The following GTPBP1 variants were observed in gnomAD, a reference collection of about 807,000 sequenced individuals.
GTPBP1 encodes GTP binding protein 1.
A neutral mutation model predicts 62.0 loss-of-function variants in GTPBP1; 23 were observed. The observed-to-expected ratio is 0.37, with a 90% CI of 0.27 to 0.53. The LOEUF (loss-of-function observed/expected upper bound fraction) is 0.53. Among genes scored for constraint, GTPBP1 ranks in the 20% least tolerant of loss-of-function variants. The pLI is 0.89. For missense variants in GTPBP1, 640 were observed against 917.3 expected, an observed-to-expected ratio of 0.70 and a Z score of 3.90; for synonymous variants, 344 against 364.4, an observed-to-expected ratio of 0.94 and a Z score of 0.64.
At chr22:38,715,863 G>A (rs933439559) in intron 2 of GTPBP1, 44 bp from the exon 3 acceptor site, 2 of 1,542,112 alleles carry the variant, frequency 1.3e-6, no homozygotes, top group Non-Finnish European at 1.8e-6. Flanking sequence ...AGGCTGGTTG[G>A]TCAGGACTCC....
Position 38,727,331 on chromosome 22 carries a change from C to T in GTPBP1, c.1520C>T (p.Pro507Leu), listed in dbSNP as rs372637758. ...CTCCACCACCCCACCACAATTAGCCCGCGCTACCAGGCCATGGGTAGGTGT... is the reference window on the plus strand; with the variant it reads ...CTCCACCACCCCACCACAATTAGCCTGCGCTACCAGGCCATGGGTAGGTGT... ...LVLHHPTTIS[P>L]RYQAMVHCGS... Residue 507 changes from proline (P) to leucine (L), a missense_variant, in exon 9 of 12, where the codon CCG becomes CTG. Pro to Leu is a moderately conservative substitution (Grantham distance 98). Coordinates refer to ENST00000216044, the MANE Select transcript of GTPBP1 (RefSeq NM_004286.5). The surrounding 1 kb of genome is among the most constrained non-coding windows in gnomAD (Gnocchi z 6.5). The T allele has an allele frequency of 2.8e-5, 45 of 1,583,494 alleles. No homozygotes were observed. Among genetic ancestry groups the T allele is most frequent in the Non-Finnish European group, 3.4e-5 (39 of 1,164,160 alleles).
At position 38,716,022 on chromosome 22, in the gene GTPBP1, T is replaced by C. The variant is rs2092668188; in HGVS notation, c.420T>C (p.Ala140=). 1 of 1,613,922 alleles carries C rather than the reference T, an allele frequency of 6.2e-7. No homozygotes were observed. Among genetic ancestry groups the C allele is most frequent in the Non-Finnish European group, 8.5e-7 (1 of 1,179,884 alleles). The change falls in exon 3 of 12, where the codon GCT becomes GCC. Residue 140 remains alanine (A), a synonymous_variant. Coordinates refer to ENST00000216044, the MANE Select transcript of GTPBP1 (RefSeq NM_004286.5). This position sits in a 1 kb window ranked among gnomAD's most constrained non-coding sequence, Gnocchi z 5.2. ...TCCTTCTGCGGGAACGGCAAGAAGC[T>C]GGGGGCCGCGTGCGTGATTACCTGG... is the stretch of plus-strand genomic sequence containing the variant. The part of the protein sequence containing the change: ...DVILLRERQE[A]GGRVRDYLVR...
Position 38,715,807 on chromosome 22 carries a change from G to T in GTPBP1, c.305-100G>T, listed in dbSNP as rs183069981. 3,773 of 901,362 alleles carry T rather than the reference G, an allele frequency of 4.2e-3. 16 individuals are homozygous for T. The highest frequency in any genetic ancestry group is 5.5e-3 in the Non-Finnish European group (3,141 of 575,164). The allele number at this position is 901,362 out of a possible 1,614,324, so 55.8% of individuals were successfully genotyped here. Reference sequence around the variant, plus strand: ...TGTTCCTCTGCAGTGCTGGGGTCGGGGGGTGGTGGCCTTTGTTAGGTGGGG... The same window carrying T: ...TGTTCCTCTGCAGTGCTGGGGTCGGTGGGTGGTGGCCTTTGTTAGGTGGGG... On this transcript the variant is annotated intron_variant, in intron 2 of 11. Coordinates refer to ENST00000216044, the MANE Select transcript of GTPBP1 (RefSeq NM_004286.5).
At chr22:38,714,146 T>C (rs945021099) in intron 2 of GTPBP1, among the ~76,000 whole-genome samples, 5 of 152,118 alleles carry the variant, frequency 3.3e-5, no homozygotes, top group African/African-American at 1.2e-4. Context: ...TATCGAATGC[T>C]GTAGGAGTCA....
At chr22:38,723,521 C>T (rs367942180) in intron 5 of GTPBP1, 90 of 656,906 alleles carry the variant, frequency 1.4e-4, no homozygotes, top group South Asian at 9.9e-4. Context: ...TGCACGCGGG[C>T]GAAACTTCCT....
downstream of GTPBP1, chr22:38,741,709 C>T (rs139344986): frequency 3.7e-5 from 27 of 725,748 alleles, no homozygotes; most frequent in South Asian, 1.7e-4. Context: ...CTCTGAACCA[C>T]GCAAGACTCC....
At chr22:38,707,153 A>G (rs1046727022) in intron 1 of GTPBP1, among the ~76,000 whole-genome samples, 90 of 152,214 alleles carry the variant, frequency 5.9e-4, no homozygotes, top group African/African-American at 2.1e-3. Context: ...CATACTAGAG[A>G]CTCAGTAAAT....
downstream of GTPBP1, chr22:38,741,584 AG>A (rs778009264): frequency 1.1e-5 from 18 of 1,613,418 alleles, no homozygotes; most frequent in Non-Finnish European, 1.5e-5. Flanking sequence ...GTGAGACGGG[AG>A]TGAGAGGACA....
intron 2 of GTPBP1, among the ~76,000 whole-genome samples, chr22:38,715,422 G>A (rs1381085775): frequency 6.6e-6 from 1 of 152,184 alleles, no homozygotes; most frequent in Non-Finnish European, 1.5e-5. Context: ...TGGCTAGGAT[G>A]TCCTTCCTCC....
downstream of GTPBP1, chr22:38,740,930 T>C: frequency 6.9e-7 from 1 of 1,448,520 alleles, no homozygotes; most frequent in Non-Finnish European, 9.5e-7. The surrounding 1 kb of genome is among the most constrained non-coding windows in gnomAD (Gnocchi z 4.8). Context: ...GCTCTGCGGC[T>C]CTGCTCCCCA....
Position 38,731,230 on chromosome 22 carries a change from C to T in GTPBP1, c.*526C>T, listed in dbSNP as rs1373224150. The T allele has an allele frequency of 6.5e-6, 1 of 152,748 alleles. No homozygotes were observed. The highest frequency in any genetic ancestry group is 1.5e-5 in the Non-Finnish European group (1 of 68,442). 9.5% of individuals were successfully genotyped at this position (152,748 alleles called of 1,614,324 possible). A position where few individuals can be genotyped will look rare whatever the true frequency, so the allele number is the denominator to read the frequency against. On this transcript the variant is annotated 3_prime_UTR_variant, in exon 12 of 12. Transcript: ENST00000216044. Reference sequence around the variant, plus strand: ...CAGGGGCACCTTCCATGGAGCCAGACCGGGTGGAGGGGCTTCTGGGATTTG... The same window carrying T: ...CAGGGGCACCTTCCATGGAGCCAGATCGGGTGGAGGGGCTTCTGGGATTTG...
chr22:38,734,677 C>T (rs1362412401), downstream of GTPBP1: 2 of 198,388 alleles, frequency 1.0e-5, no homozygotes, highest in South Asian at 1.3e-4. Flanking sequence ...CTCATCTGCC[C>T]AAGAGCAGCT....
Position 38,727,913 on chromosome 22 carries a change from T to C in GTPBP1, c.1538-70T>C. On this transcript the variant is annotated intron_variant, in intron 9 of 11. Transcript: ENST00000216044. This position sits in a 1 kb window ranked among gnomAD's most constrained non-coding sequence, Gnocchi z 6.5. The stretch of plus-strand genomic sequence containing the variant: ...GCTTAAGCGTATTTCATGCTTTCAC[T>C]CACTGCCTCCCGTTGTCCTGAAGCC... The C allele has an allele frequency of 9.5e-7, 1 of 1,057,656 alleles. No individual in the cohort carries two copies. The highest frequency in any genetic ancestry group is 1.5e-6 in the Non-Finnish European group (1 of 683,102). 65.5% of individuals were successfully genotyped at this position (1,057,656 alleles called of 1,614,324 possible).
At chr22:38,717,295 CCTTA>C (rs1456424623) in intron 4 of GTPBP1, among the ~76,000 whole-genome samples, 3 of 152,174 alleles carry the variant, frequency 2.0e-5, no homozygotes, top group Admixed American at 6.5e-5. Flanking sequence ...TTCTCCTGGG[CCTTA>C]CTTGTTACCT....
At chr22:38,713,706 C>T (rs1259631694) in intron 2 of GTPBP1, among the ~76,000 whole-genome samples, 1 of 152,104 alleles carries the variant, frequency 6.6e-6, no homozygotes, top group Admixed American at 6.6e-5. Flanking sequence ...TTCTTTTTAC[C>T]CCACTGTTAA....
chr22:38,727,135 A>G lies in GTPBP1; in HGVS notation c.1402-78A>G. ...TGGGGTGGTCCCTATCCCTAGAAAG[A>G]CTCTTGGTCCCTGGGACCAGGGGTG... On this transcript the variant is annotated intron_variant, in intron 8 of 11. Transcript: ENST00000216044. The surrounding 1 kb of genome is among the most constrained non-coding windows in gnomAD (Gnocchi z 6.5). 3 of 1,374,706 alleles carry G rather than the reference A, an allele frequency of 2.2e-6. No individual in the cohort carries two copies. In the South Asian group the frequency reaches 4.5e-5, roughly 21 times the overall value. 85.2% of individuals were successfully genotyped at this position (1,374,706 alleles called of 1,614,324 possible). A position where few individuals can be genotyped will look rare whatever the true frequency, so the allele number is the denominator to read the frequency against.
Position 38,716,220 on chromosome 22 carries a change from C to T in GTPBP1, c.485+133C>T, listed in dbSNP as rs1456986097. 10 of 733,958 alleles carry T rather than the reference C, an allele frequency of 1.4e-5. No homozygotes were observed. Among genetic ancestry groups the T allele is most frequent in the Admixed American group, 2.8e-5 (1 of 35,246 alleles). 45.5% of individuals were successfully genotyped at this position (733,958 alleles called of 1,614,324 possible). A position where few individuals can be genotyped will look rare whatever the true frequency, so the allele number is the denominator to read the frequency against. ...GAAAGAGTGTCCAGGTGTCTGGAGA[C>T]GTGGGCTCCTTGCTCTAATTCTGCA... On this transcript the variant is annotated intron_variant, in intron 3 of 11. Coordinates refer to ENST00000216044, the MANE Select transcript of GTPBP1 (RefSeq NM_004286.5). The surrounding 1 kb of genome is among the most constrained non-coding windows in gnomAD (Gnocchi z 5.2).
At chr22:38,741,100 G>C, downstream of GTPBP1, 1 of 1,556,322 alleles carries the variant, frequency 6.4e-7, no homozygotes, top group Non-Finnish European at 8.7e-7. Context: ...TCAGAAATTG[G>C]TGTTCCAGAG....
chr22:38,736,167 T>G (rs1459656389), downstream of GTPBP1: 1 of 1,142,394 alleles, frequency 8.8e-7, no homozygotes, highest in South Asian at 1.3e-5. Flanking sequence ...TCCTCTCTTG[T>G]GCTCCTAGAA....
Sources: gnomAD v4.1 joint callset for allele counts (sites outside exome capture counted in the v4.1 genomes callset) on GRCh38, gnomAD v4.1.1 for gene constraint, Gnocchi (gnomAD v3.1) non-coding constraint, MANE v1.5 for transcripts, NCBI Gene and HGNC (gene_info 2026-07-23, HGNC 2026-07-21) for gene names.